TCAIM: variants seen among roughly 807,000 people sequenced by gnomAD.
TCAIM encodes the protein T-cell activation inhibitor, mitochondrial.
In TCAIM, 36 loss-of-function variants were observed where a neutral mutation model predicts 58.6. The ratio of observed to expected loss-of-function variants is 0.61; its 90% CI spans 0.47 to 0.81. The LOEUF (loss-of-function observed/expected upper bound fraction) is 0.81, where lower values mean the gene tolerates loss of function less well. Among genes scored for constraint, TCAIM ranks in the 30% least tolerant of loss-of-function variants. The pLI, the probability that TCAIM is intolerant of heterozygous loss-of-function variation, is 0.00. For synonymous variants in TCAIM, 172 were observed against 193.6 expected (o/e 0.89, Z 0.93); for missense variants, 466 against 579.6 (o/e 0.80, Z 2.01).
intron 1 of TCAIM, among the ~76,000 whole-genome samples, chr3:44,351,181 G>T (rs1701080942): frequency 6.6e-6 from 1 of 152,088 alleles, no homozygotes; most frequent in Admixed American, 6.5e-5. Flanking sequence ...CAGAGACAGG[G>T]TTTCTCCATG....
At chr3:44,358,804 T>A (rs935459642) in intron 3 of TCAIM, 1 of 985,304 alleles carries the variant, frequency 1.0e-6, no homozygotes, top group African/African-American at 1.7e-5. Flanking sequence ...TCTAGTTTAA[T>A]ATGAAAAGGA....
chr3:44,340,781 G>A (rs1559555489), intron 1 of TCAIM: 1 of 152,114 alleles, frequency 6.6e-6, no homozygotes, highest in Non-Finnish European at 1.5e-5. Flanking sequence ...ACTCGGATGG[G>A]ACCTGATAAT....
chr3:44,355,556 A>T (rs774750383), intron 2 of TCAIM, among the ~76,000 whole-genome samples: 1 of 152,240 alleles, frequency 6.6e-6, no homozygotes. Context: ...AGCAGAGTAG[A>T]CTAATTATGT....
At chr3:44,405,642 C>T (rs1002261616) in intron 10 of TCAIM, among the ~76,000 whole-genome samples, 2 of 151,822 alleles carry the variant, frequency 1.3e-5, no homozygotes, top group African/African-American at 4.8e-5. Context: ...CAGTGATACT[C>T]CAGCCTGGGC....
At chr3:44,371,376 A>G (rs1451068892) in intron 5 of TCAIM, among the ~76,000 whole-genome samples, 1 of 152,140 alleles carries the variant, frequency 6.6e-6, no homozygotes, top group Non-Finnish European at 1.5e-5. Context: ...TTTCTTAAGC[A>G]TTGACATCTT....
At position 44,381,397 on chromosome 3, in the gene TCAIM, T is replaced by C. The variant is rs1202274016; in HGVS notation, c.573-11458T>C. ...AATCATCTAGAATGATCATGATGCATGATCTAGAATGATCAAATGCAAAAA... is the reference window on the plus strand; with the variant it reads ...AATCATCTAGAATGATCATGATGCACGATCTAGAATGATCAAATGCAAAAA... On this transcript the variant is annotated intron_variant, in intron 5 of 10. Transcript: ENST00000342649. Among the ~76,000 whole-genome samples the C allele has an allele frequency of 2.6e-5, 4 of 152,150 alleles. No individual in the cohort carries two copies. The East Asian group carries it at 7.7e-4, about 29-fold the overall frequency.
chr3:44,366,466 T>G (rs1430091219), intron 4 of TCAIM, among the ~76,000 whole-genome samples: 19 of 138,656 alleles, frequency 1.4e-4, no homozygotes, highest in African/African-American at 3.2e-4. Context: ...TTTTGTTGTT[T>G]TTTTTTTTTT....
At chr3:44,395,723 G>A (rs1437852691) in intron 6 of TCAIM, among the ~76,000 whole-genome samples, 2 of 152,228 alleles carry the variant, frequency 1.3e-5, no homozygotes, top group African/African-American at 2.4e-5. Flanking sequence ...GGTGGCTCAC[G>A]CCTGTAATCC....
At chr3:44,343,032 G>A (rs1030859969) in intron 1 of TCAIM, among the ~76,000 whole-genome samples, 1 of 151,942 alleles carries the variant, frequency 6.6e-6, no homozygotes, top group Non-Finnish European at 1.5e-5. Context: ...AGCTACTCGG[G>A]AAGCTGAGGC....
At chr3:44,401,504 C>T (rs569409594) in intron 10 of TCAIM, among the ~76,000 whole-genome samples, 170 bp downstream of exon 10, 42 of 152,222 alleles carry the variant, frequency 2.8e-4, no homozygotes, top group African/African-American at 1.0e-3. Flanking sequence ...ATTACCACCA[C>T]GGACCTCAGT....
chr3:44,398,974 G>A (rs1467463845), intron 8 of TCAIM, among the ~76,000 whole-genome samples: 1 of 152,178 alleles, frequency 6.6e-6, no homozygotes, highest in Non-Finnish European at 1.5e-5. Flanking sequence ...ATAATAAAAT[G>A]ATAGAAAGGA....
chr3:44,363,918 G>A (rs1050430050), intron 4 of TCAIM, among the ~76,000 whole-genome samples: 1 of 106,724 alleles, frequency 9.4e-6, no homozygotes, highest in South Asian at 3.3e-4. Flanking sequence ...CAGCAAGTCT[G>A]TCTTTTTTTT....
At chr3:44,389,238 C>T (rs916375134) in intron 5 of TCAIM, among the ~76,000 whole-genome samples, 1 of 152,084 alleles carries the variant, frequency 6.6e-6, no homozygotes, top group Admixed American at 6.6e-5. Context: ...TGCAGCGAGC[C>T]GAGATCGTGC....
intron 1 of TCAIM, among the ~76,000 whole-genome samples, chr3:44,353,177 T>C (rs1701127152): frequency 6.6e-6 from 1 of 152,142 alleles, no homozygotes; most frequent in Non-Finnish European, 1.5e-5. Context: ...TGCCTCAGCC[T>C]CCCACAGTGC....
intron 7 of TCAIM, 91 bp downstream of exon 7, chr3:44,396,588 C>G (rs1701939027): frequency 6.9e-7 from 1 of 1,447,454 alleles, no homozygotes; most frequent in Admixed American, 2.2e-5. Context: ...TTTATCACAG[C>G]TGAACTTTTA....
At chr3:44,377,553 TAAC>T (rs1370714180) in intron 5 of TCAIM, among the ~76,000 whole-genome samples, 3 of 152,192 alleles carry the variant, frequency 2.0e-5, no homozygotes, top group African/African-American at 7.2e-5. Flanking sequence ...ACACTGTACC[TAAC>T]AACAACAGCA....
intron 1 of TCAIM, among the ~76,000 whole-genome samples, chr3:44,348,042 A>C (rs555661434): frequency 6.6e-6 from 1 of 152,368 alleles, no homozygotes; most frequent in African/African-American, 2.4e-5. Context: ...AAAGTAGTGC[A>C]TAAAAGAATA....
intron 6 of TCAIM, among the ~76,000 whole-genome samples, chr3:44,395,311 T>C (rs1186681507): frequency 2.0e-5 from 3 of 152,168 alleles, no homozygotes; most frequent in Non-Finnish European, 4.4e-5. Context: ...ATGACATTCA[T>C]CAGAATTAGT....
In TCAIM at chr3:44,361,456, C is replaced by T. The variant is rs372782572; in HGVS notation, c.257C>T (p.Thr86Ile). The T allele has an allele frequency of 5.0e-6, 8 of 1,612,896 alleles. No individual in the cohort carries two copies. Among genetic ancestry groups the T allele is most frequent in the Non-Finnish European group, 6.8e-6 (8 of 1,179,498 alleles). Residue 86 changes from threonine to isoleucine, a missense_variant, in exon 4 of 11, where the codon ACA (threonine) becomes ATA (isoleucine). By Grantham distance (89) the Thr-to-Ile change is moderately conservative. Transcript: ENST00000342649. ...GFKSLKPTQLTFYVRETDQSS... is the reference protein window; with the variant it reads ...GFKSLKPTQLIFYVRETDQSS... ...AAGTCTTTGAAACCAACTCAGCTTACATTTTATGTAAGAGAAACAGACCAG... is the reference window on the plus strand; with the variant it reads ...AAGTCTTTGAAACCAACTCAGCTTATATTTTATGTAAGAGAAACAGACCAG...
Sources: gnomAD v4.1 joint callset for allele counts (sites outside exome capture counted in the v4.1 genomes callset) on GRCh38, gnomAD v4.1.1 for gene constraint, MANE v1.5 for transcripts, NCBI Gene and HGNC (gene_info 2026-07-23, HGNC 2026-07-21) for gene names.